RAC2: variants seen among roughly 807,000 people sequenced by gnomAD.
RAC2 encodes ras-related C3 botulinum toxin substrate 2.
RAC2 carries 1 observed loss-of-function variant against 24.0 expected under a neutral mutation model. That is an observed-to-expected ratio of 0.04 (90% CI 0.01 to 0.20). The LOEUF (loss-of-function observed/expected upper bound fraction) is 0.20. Among genes scored for constraint, RAC2 ranks in the 10% least tolerant of loss-of-function variants. RAC2 has a pLI of 1.00. For missense variants in RAC2, 130 were observed against 259.1 expected (o/e 0.50, Z 3.42); for synonymous variants, 114 against 106.8 (o/e 1.07, Z -0.41).
chr22:37,243,143 C>T (rs9622587), intron 1 of RAC2, among the ~76,000 whole-genome samples: 18,002 of 152,110 alleles, frequency 0.12, 1,296 homozygotes, highest in Admixed American at 0.2. Context: ...GGACTGCAGG[C>T]GCATATGCCA....
intron 2 of RAC2, among the ~76,000 whole-genome samples, chr22:37,237,827 C>T (rs1407698223): frequency 6.6e-6 from 1 of 151,860 alleles, no homozygotes; most frequent in African/African-American, 2.4e-5. Flanking sequence ...CAGGGAGCTT[C>T]CATCCAAGAG....
intron 2 of RAC2, chr22:37,241,199 C>T (rs756235135): frequency 3.9e-6 from 3 of 775,708 alleles, no homozygotes; most frequent in African/African-American, 3.4e-5. Flanking sequence ...CCTCAGCATG[C>T]CTTGTCCCCA....
intron 3 of RAC2, chr22:37,232,464 C>T (rs964349621): frequency 2.5e-5 from 11 of 446,546 alleles, no homozygotes; most frequent in East Asian, 2.3e-4. Context: ...CCACCTCTCC[C>T]CTCCCCCAGC....
intron 1 of RAC2, among the ~76,000 whole-genome samples, chr22:37,243,130 C>T (rs1927456262): frequency 6.6e-6 from 1 of 152,204 alleles, no homozygotes; most frequent in African/African-American, 2.4e-5. Context: ...TCCCCAGTAG[C>T]TGGGACTGCA....
At chr22:37,234,547 T>C (rs1438262491) in intron 2 of RAC2, among the ~76,000 whole-genome samples, 1 of 152,204 alleles carries the variant, frequency 6.6e-6, no homozygotes, top group Non-Finnish European at 1.5e-5. Context: ...TTTCCCGCTG[T>C]GGTCCCCCAC....
chr22:37,229,239 G>A (rs924528003), intron 5 of RAC2, among the ~76,000 whole-genome samples: 4 of 126,118 alleles, frequency 3.2e-5, no homozygotes, highest in African/African-American at 1.3e-4. Flanking sequence ...ATTGCCATGC[G>A]ATGGCTCATC....
At chr22:37,234,275 C>T (rs754161657) in intron 2 of RAC2, among the ~76,000 whole-genome samples, 4 of 152,172 alleles carry the variant, frequency 2.6e-5, no homozygotes, top group Non-Finnish European at 4.4e-5. Flanking sequence ...GCTCCAAGCT[C>T]GGAATAGGGG....
chr22:37,241,450 T>A, intron 2 of RAC2, 137 bp downstream of exon 2: 1 of 952,322 alleles, frequency 1.1e-6, no homozygotes, highest in Non-Finnish European at 1.7e-6. Flanking sequence ...TTGGCTGGAC[T>A]GTCAGGCAGC....
At chr22:37,232,322 A>AG in intron 3 of RAC2, 1 of 471,526 alleles carries the variant, frequency 2.1e-6, no homozygotes, top group Non-Finnish European at 3.9e-6. Context: ...CACTCTGGTG[A>AG]GGGGAGGATC....
rs950010682 is a variant in RAC2 at position 37,225,967 on chromosome 22, C to T, written c.*75G>A. ...ACAGGGAGGGGACAGCATGGCCAGC[C>T]GGGGTGCCATCAGGCTTTGGGTGGG... On this transcript the variant is annotated 3_prime_UTR_variant, in exon 7 of 7. Transcript: ENST00000249071. 1 of 153,056 alleles carries T rather than the reference C, an allele frequency of 6.5e-6. No individual in the cohort carries two copies. Among genetic ancestry groups the T allele is most frequent in the Non-Finnish European group, 1.5e-5 (1 of 68,770 alleles). The allele number at this position is 153,056 out of a possible 1,614,324, so 9.5% of individuals were successfully genotyped here. A position where few individuals can be genotyped will look rare whatever the true frequency, so the allele number is the denominator to read the frequency against.
At chr22:37,227,777 G>A (rs879448772) in intron 5 of RAC2, among the ~76,000 whole-genome samples, 2 of 151,360 alleles carry the variant, frequency 1.3e-5, no homozygotes, top group Non-Finnish European at 2.9e-5. Flanking sequence ...CCTGGAGGCT[G>A]TGTCACCAGG....
rs111336934 is a variant in RAC2 at position 37,235,030 on chromosome 22, G to A, written c.108-2112C>T. On this transcript the variant is annotated intron_variant, in intron 2 of 6. Transcript: ENST00000249071. ...CTGTGGGTTCTGTGTGGGCCAGGCC[G>A]ATGCCTGCTTATTCTCCACAGTCTC... 8.3e-4 allele frequency among the ~76,000 whole-genome samples: 127 copies of A among 152,286 alleles called. 1 individual carries two copies. Among genetic ancestry groups the A allele is most frequent in the Middle Eastern group, 6.8e-3 (2 of 294 alleles).
Position 37,231,399 on chromosome 22 carries a change from G to T in RAC2, c.289-9C>A. On this transcript the variant is annotated splice_polypyrimidine_tract_variant and intron_variant, in intron 4 of 6. Transcript: ENST00000249071. This position sits in a 1 kb window ranked among gnomAD's most constrained non-coding sequence, Gnocchi z 5.5. Reference sequence around the variant, plus strand: ...CGCACTTCTGGGAACCACTGGGCAGGTGGGTGGGGGGACACAAGGTTGTAT... The same window carrying T: ...CGCACTTCTGGGAACCACTGGGCAGTTGGGTGGGGGGACACAAGGTTGTAT... 6.2e-7 allele frequency: 1 copy of T among 1,613,990 alleles called. No homozygotes were observed. The highest frequency in any genetic ancestry group is 1.1e-5 in the South Asian group (1 of 91,086).
chr22:37,233,457 A>G (rs1569090336), intron 2 of RAC2, among the ~76,000 whole-genome samples: 2 of 151,864 alleles, frequency 1.3e-5, no homozygotes, highest in African/African-American at 4.8e-5. Flanking sequence ...TAATTTTTGT[A>G]TTTTTAGTAG....
At chr22:37,242,932 C>G (rs1052176123) in intron 1 of RAC2, among the ~76,000 whole-genome samples, 1 of 152,214 alleles carries the variant, frequency 6.6e-6, no homozygotes, top group South Asian at 2.1e-4. Context: ...CAGGGTGAGC[C>G]TGTAGGCTGG....
At chr22:37,240,971 T>C (rs1927369926) in intron 2 of RAC2, 2 of 711,914 alleles carry the variant, frequency 2.8e-6, no homozygotes, top group Non-Finnish European at 5.2e-6. Context: ...GTGAAGGCCA[T>C]CAGGAGCCTT....
intron 2 of RAC2, among the ~76,000 whole-genome samples, chr22:37,239,671 G>C (rs1041028971): frequency 6.6e-6 from 1 of 152,212 alleles, no homozygotes; most frequent in Non-Finnish European, 1.5e-5. Context: ...GAGGCTCAGA[G>C]AGGGGAAGTG....
intron 3 of RAC2, chr22:37,232,394 C>G (rs1186683353): frequency 2.4e-6 from 1 of 416,624 alleles, no homozygotes; most frequent in East Asian, 5.4e-5. Context: ...CCGGCCTTAG[C>G]CGCCTCCCTG....
rs1356252851 is a variant in RAC2 at position 37,244,185 on chromosome 22, T to C, written c.-37A>G. ...CCTGGAGAGTGTCGGTGGTGACAGC[T>C]CAGGGCCAGGCGCGTTTCTGCGGGC... On this transcript the variant is annotated 5_prime_UTR_variant, in exon 1 of 7. Coordinates refer to ENST00000249071, the MANE Select transcript of RAC2 (RefSeq NM_002872.5). 2 of 1,612,004 alleles carry C rather than the reference T, an allele frequency of 1.2e-6. No homozygotes were observed. Among genetic ancestry groups the C allele is most frequent in the Non-Finnish European group, 1.7e-6 (2 of 1,179,134 alleles).
Sources: gnomAD v4.1 joint callset for allele counts (sites outside exome capture counted in the v4.1 genomes callset) on GRCh38, gnomAD v4.1.1 for gene constraint, Gnocchi (gnomAD v3.1) non-coding constraint, MANE v1.5 for transcripts, NCBI Gene and HGNC (gene_info 2026-07-23, HGNC 2026-07-21) for gene names.